The following LARGE1 variants were observed in gnomAD, a reference collection of about 807,000 sequenced individuals.
The protein encoded by LARGE1 is xylosyl- and glucuronyltransferase LARGE1.
Under a neutral mutation model 87.6 loss-of-function variants are expected in LARGE1, and 43 were observed. The ratio of observed to expected loss-of-function variants is 0.49; its 90% confidence interval spans 0.38 to 0.63. The LOEUF (loss-of-function observed/expected upper bound fraction) is 0.63. Ranked by LOEUF, LARGE1 falls within the 30% of genes least tolerant of loss-of-function variation. LARGE1 has a pLI of 0.00. For synonymous variants in LARGE1, 434 were observed against 394.6 expected (o/e 1.10, Z -1.18); for missense variants, 802 against 1,000.2 (o/e 0.80, Z 2.67).
intron 1 of LARGE1, among the ~76,000 whole-genome samples, chr22:33,824,450 G>A (rs956626675): frequency 6.6e-6 from 1 of 152,132 alleles, no homozygotes; most frequent in East Asian, 1.9e-4. Context: ...TCATTATCAC[G>A]AGAACAGCAA....
intron 6 of LARGE1, among the ~76,000 whole-genome samples, chr22:33,563,678 C>T (rs188358275): frequency 1.3e-5 from 2 of 152,178 alleles, no homozygotes; most frequent in African/African-American, 2.4e-5. Context: ...CAAAAGGACA[C>T]GTCCACACGT....
chr22:33,286,330 G>A (rs890117966), intron 12 of LARGE1, among the ~76,000 whole-genome samples: 1 of 152,188 alleles, frequency 6.6e-6, no homozygotes, highest in Non-Finnish European at 1.5e-5. Context: ...CCCTGGAGAG[G>A]TGGGTACCTT....
intron 11 of LARGE1, among the ~76,000 whole-genome samples, chr22:33,167,023 C>T (rs1222700348): frequency 6.6e-6 from 1 of 152,150 alleles, no homozygotes; most frequent in Non-Finnish European, 1.5e-5. Flanking sequence ...TTAAGAGTAA[C>T]CCAATTTATC....
Position 33,528,059 on chromosome 22 carries a change from T to A in LARGE1, c.787+36789A>T, listed in dbSNP as rs577721378. ...AAAAAAACCCATATGAGTAAAATAT[T>A]CTAGCAACAGATCCTTGTACAGAGT... On this transcript the variant is annotated intron_variant, in intron 6 of 14. Transcript: ENST00000397394. Among the ~76,000 whole-genome samples, 12 of 144,690 alleles carry A rather than the reference T, an allele frequency of 8.3e-5. No individual in the cohort carries two copies. The South Asian group carries it at 2.8e-3, about 33-fold the overall frequency. 94.9% of individuals were successfully genotyped at this position (144,690 alleles called of 152,430 possible). A position where few individuals can be genotyped will look rare whatever the true frequency, so the allele number is the denominator to read the frequency against.
the LARGE1 span, among the ~76,000 whole-genome samples, chr22:33,144,916 C>G: frequency 4.6e-5 from 7 of 152,070 alleles, no homozygotes; most frequent in Admixed American, 4.6e-4. Context: ...CCCCAAGAAA[C>G]AACCTCTACA....
At chr22:33,301,696 T>C (rs998853881) in intron 12 of LARGE1, among the ~76,000 whole-genome samples, 12 of 152,136 alleles carry the variant, frequency 7.9e-5, no homozygotes, top group East Asian at 5.8e-4. Flanking sequence ...TAAAAGCAAT[T>C]TGCAATATTT....
At chr22:33,881,237 C>T (rs796783542) in intron 1 of LARGE1, among the ~76,000 whole-genome samples, 4 of 152,126 alleles carry the variant, frequency 2.6e-5, no homozygotes, top group South Asian at 2.1e-4. Flanking sequence ...ACACACAACA[C>T]GCTGCATGGC....
chr22:33,362,539 C>T (rs1194867761), intron 9 of LARGE1, among the ~76,000 whole-genome samples: 1 of 149,914 alleles, frequency 6.7e-6, no homozygotes, highest in African/African-American at 2.5e-5. Context: ...AAAGTAGATG[C>T]CCAAGGCTGG....
downstream of LARGE1, among the ~76,000 whole-genome samples, chr22:33,161,030 T>G (rs1416517143): frequency 6.6e-6 from 1 of 152,232 alleles, no homozygotes; most frequent in Non-Finnish European, 1.5e-5. Flanking sequence ...ATAAAGAGGT[T>G]CAACTGACTC....
intron 12 of LARGE1, among the ~76,000 whole-genome samples, chr22:33,293,877 G>C (rs984881129): frequency 1.3e-5 from 2 of 152,154 alleles, no homozygotes; most frequent in Non-Finnish European, 2.9e-5. Flanking sequence ...TGACTCTGTG[G>C]ATCTGGCCAA....
At chr22:33,115,428 C>T in the LARGE1 span, among the ~76,000 whole-genome samples, 9 of 145,050 alleles carry the variant, frequency 6.2e-5, no homozygotes, top group South Asian at 2.2e-4. Context: ...CCTGCCTGGG[C>T]GATAGAGTGA....
chr22:33,356,135 G>T (rs576818943), intron 9 of LARGE1, among the ~76,000 whole-genome samples: 2 of 152,268 alleles, frequency 1.3e-5, no homozygotes, highest in East Asian at 1.9e-4. Flanking sequence ...AATTTCCAGA[G>T]ACATCACTTT....
intron 6 of LARGE1, among the ~76,000 whole-genome samples, chr22:33,553,945 A>T (rs1409552263): frequency 6.6e-6 from 1 of 152,148 alleles, no homozygotes; most frequent in South Asian, 2.1e-4. Flanking sequence ...AGAGAGGTCC[A>T]TGGAATCCTG....
chr22:33,426,969 C>A (rs1031160521), intron 7 of LARGE1, among the ~76,000 whole-genome samples: 1 of 152,194 alleles, frequency 6.6e-6, no homozygotes, highest in Non-Finnish European at 1.5e-5. Flanking sequence ...TTCTTTCTAC[C>A]GACCTGCCTT....
the LARGE1 span, among the ~76,000 whole-genome samples, chr22:33,083,891 T>A: frequency 3.3e-5 from 5 of 152,226 alleles, no homozygotes; most frequent in African/African-American, 4.8e-5. Context: ...CTGAGTGCTC[T>A]ACTTAAAACC....
chr22:33,544,658 G>A (rs1377841272), intron 6 of LARGE1, among the ~76,000 whole-genome samples: 2 of 148,728 alleles, frequency 1.3e-5, no homozygotes, highest in Non-Finnish European at 3.0e-5. Context: ...GTCCAGCCTG[G>A]GCAAACAGAG....
At chr22:33,804,847 A>G (rs1403802680) in intron 1 of LARGE1, among the ~76,000 whole-genome samples, 1 of 152,194 alleles carries the variant, frequency 6.6e-6, no homozygotes, top group Non-Finnish European at 1.5e-5. Context: ...GATCCCAGTC[A>G]GGTTCACGGC....
Position 33,909,712 on chromosome 22 carries a change from G to A in LARGE1, c.-83+10283C>T, listed in dbSNP as rs9621805. Among the ~76,000 whole-genome samples, 819 of 151,614 alleles carry A rather than the reference G, an allele frequency of 5.4e-3. 11 individuals carry two copies. Among genetic ancestry groups the A allele is most frequent in the African/African-American group, 0.019 (791 of 41,306 alleles). ...CGCCACCACGCCCAGCTAATTTTTT[G>A]TATTTTTAGTAGAGACGGGGTTTCA... On this transcript the variant is annotated intron_variant, in intron 1 of 14. Coordinates refer to ENST00000397394, the MANE Select transcript of LARGE1 (RefSeq NM_133642.5).
intron 7 of LARGE1, among the ~76,000 whole-genome samples, chr22:33,407,516 T>G (rs1336864764): frequency 6.6e-6 from 1 of 152,196 alleles, no homozygotes; most frequent in Non-Finnish European, 1.5e-5. Context: ...AAATTATATT[T>G]GTATATAATT....
Sources: gnomAD v4.1 joint callset for allele counts (sites outside exome capture counted in the v4.1 genomes callset) on GRCh38, gnomAD v4.1.1 for gene constraint, MANE v1.5 for transcripts, NCBI Gene and HGNC (gene_info 2026-07-23, HGNC 2026-07-21) for gene names.